Variants in CUBN observed in about 807,000 individuals in gnomAD.
CUBN encodes cubilin, also known as 460 kDa receptor.
A neutral mutation model predicts 405.3 loss-of-function variants in CUBN; 282 were observed. That is an observed-to-expected ratio of 0.70 (90% CI 0.63 to 0.77). The LOEUF (loss-of-function observed/expected upper bound fraction) is 0.77, where lower values mean the gene tolerates loss of function less well. Among genes scored for constraint, CUBN ranks in the 30% least tolerant of loss-of-function variants. The probability of loss-of-function intolerance (pLI) is 0.00; values close to 1 mark genes in which losing one functional copy is unlikely to be tolerated. For synonymous variants in CUBN, 1,684 were observed against 1,617.0 expected, an observed-to-expected ratio of 1.04 and a Z score of -0.99; for missense variants, 4,514 against 4,475.2, an observed-to-expected ratio of 1.01 and a Z score of -0.25.
intron 59 of CUBN, among the ~76,000 whole-genome samples, chr10:16,859,346 T>C (rs1839949671): frequency 6.6e-6 from 1 of 152,120 alleles, no homozygotes; most frequent in South Asian, 2.1e-4. Context: ...AGAGAATAGA[T>C]ATATAGATGA....
chr10:16,953,877 G>A (rs72773232), intron 32 of CUBN, among the ~76,000 whole-genome samples: 7,302 of 143,352 alleles, frequency 0.051, 242 homozygotes, highest in East Asian at 0.16. Flanking sequence ...GGGAAAGAGA[G>A]ATGAGGAAAA....
chr10:17,089,644 G>C (rs1836207375), intron 14 of CUBN, among the ~76,000 whole-genome samples: 1 of 152,180 alleles, frequency 6.6e-6, no homozygotes, highest in Non-Finnish European at 1.5e-5. Flanking sequence ...CACATTGCTA[G>C]AGAATGCAAG....
chr10:17,044,868 G>T, intron 25 of CUBN, 139 bp downstream of exon 25: 1 of 898,300 alleles, frequency 1.1e-6, no homozygotes, highest in Non-Finnish European at 1.8e-6. Flanking sequence ...TTTCTTTTAT[G>T]TTTTTATTTT....
At chr10:16,826,146 A>C (rs1296003225) in intron 66 of CUBN, among the ~76,000 whole-genome samples, 1 of 152,136 alleles carries the variant, frequency 6.6e-6, no homozygotes, top group East Asian at 1.9e-4. Flanking sequence ...GGGATATAGG[A>C]TTTCCCTGTG....
chr10:16,881,982 T>C (rs1464783531), intron 56 of CUBN, among the ~76,000 whole-genome samples: 1 of 152,176 alleles, frequency 6.6e-6, no homozygotes, highest in Non-Finnish European at 1.5e-5. Flanking sequence ...AATAATTATA[T>C]TAAACACTTT....
intron 10 of CUBN, among the ~76,000 whole-genome samples, chr10:17,109,436 C>A (rs1041926081): frequency 6.6e-6 from 1 of 152,048 alleles, no homozygotes; most frequent in Non-Finnish European, 1.5e-5. Flanking sequence ...TACCTTATTT[C>A]CTAAATCAGA....
intron 22 of CUBN, among the ~76,000 whole-genome samples, chr10:17,061,646 T>A (rs1835506496): frequency 6.6e-6 from 1 of 152,164 alleles, no homozygotes; most frequent in Non-Finnish European, 1.5e-5. Flanking sequence ...GTGGGAACCC[T>A]GCCCTGGGAA....
At chr10:16,978,095 A>T (rs1290959648) in intron 31 of CUBN, among the ~76,000 whole-genome samples, 1 of 152,192 alleles carries the variant, frequency 6.6e-6, no homozygotes, top group Non-Finnish European at 1.5e-5. Flanking sequence ...CACTCAGGTA[A>T]CTCAAATATT....
intron 14 of CUBN, among the ~76,000 whole-genome samples, chr10:17,089,821 A>G (rs1836212893): frequency 6.6e-6 from 1 of 152,184 alleles, no homozygotes; most frequent in South Asian, 2.1e-4. Flanking sequence ...TAACATTTGG[A>G]ATTCCAAAAG....
chr10:16,918,476 C>G (rs1841948118), intron 45 of CUBN, 146 bp downstream of exon 45: 1 of 606,270 alleles, frequency 1.6e-6, no homozygotes, highest in Non-Finnish European at 2.9e-6. Context: ...GGGAGAAGAG[C>G]AGAAAAAATA....
chr10:16,963,120 T>C (rs1843280011), intron 31 of CUBN, among the ~76,000 whole-genome samples: 1 of 151,968 alleles, frequency 6.6e-6, no homozygotes, highest in South Asian at 2.1e-4. Flanking sequence ...ATTACAAGTA[T>C]GAAGGTAAGT....
rs148661466 is a variant in CUBN, at chr10:16,858,723, G to A, written c.9455-7280C>T. On this transcript the variant is annotated intron_variant, in intron 59 of 66. Transcript: ENST00000377833. ...ATGAATCACTCCACCTGATATTAAG[G>A]CTTACCATGTAGCTATAGTAATCAA... 3.1e-3 allele frequency among the ~76,000 whole-genome samples: 477 copies of A among 152,310 alleles called. 1 individual carries two copies. Among genetic ancestry groups the A allele is most frequent in the Non-Finnish European group, 5.5e-3 (377 of 68,038 alleles).
intron 58 of CUBN, among the ~76,000 whole-genome samples, chr10:16,873,751 A>G (rs1298793838): frequency 2.0e-5 from 3 of 151,850 alleles, no homozygotes; most frequent in Non-Finnish European, 4.4e-5. Flanking sequence ...AAGAAAAAAG[A>G]AAATGTATAC....
rs80190223 is a variant in CUBN, at chr10:17,122,668, A to G, written c.593+127T>C. The G allele has an allele frequency of 1.6e-5, 11 of 698,696 alleles. No homozygotes were observed. In the South Asian group the frequency reaches 1.8e-4, roughly 11 times the overall value. The allele number at this position is 698,696 out of a possible 1,614,324, so 43.3% of individuals were successfully genotyped here. ...TATGTAGACGTTAAGCAAGAGCTAA[A>G]TATTTCCTCATGGAGTACCAACTTT... On this transcript the variant is annotated intron_variant, in intron 6 of 66. Transcript: ENST00000377833.
chr10:16,838,063 T>C (rs1325810528), intron 62 of CUBN, among the ~76,000 whole-genome samples: 1 of 152,128 alleles, frequency 6.6e-6, no homozygotes, highest in African/African-American at 2.4e-5. Context: ...GTAATAGAGA[T>C]TTTGTCCTGA....
intron 17 of CUBN, among the ~76,000 whole-genome samples, chr10:17,072,588 A>G (rs1010989110): frequency 2.6e-5 from 4 of 152,162 alleles, no homozygotes; most frequent in Non-Finnish European, 4.4e-5. Context: ...AATCCTTAAA[A>G]TGAGGAAGAA....
intron 36 of CUBN, among the ~76,000 whole-genome samples, chr10:16,941,724 C>T (rs1481258512): frequency 6.6e-6 from 1 of 152,092 alleles, no homozygotes; most frequent in Non-Finnish European, 1.5e-5. Flanking sequence ...TGCCTATAAT[C>T]CCAGCTACTT....
chr10:16,976,741 T>C (rs929646044), intron 31 of CUBN, among the ~76,000 whole-genome samples: 1 of 152,196 alleles, frequency 6.6e-6, no homozygotes, highest in Admixed American at 6.5e-5. Flanking sequence ...ATATTTTTCA[T>C]CCTTTTTTTA....
intron 63 of CUBN, 48 bp from the exon 64 acceptor site, chr10:16,835,243 T>C (rs762846233): frequency 2.4e-5 from 35 of 1,444,006 alleles, no homozygotes; most frequent in Non-Finnish European, 3.0e-5. Context: ...CAATATTTAG[T>C]GCTCTTTCAA....
Sources: allele counts gnomAD v4.1 joint callset (sites outside exome capture counted in the v4.1 genomes callset), GRCh38; gene constraint gnomAD v4.1.1; transcripts MANE v1.5; gene names NCBI Gene and HGNC (gene_info 2026-07-23, HGNC 2026-07-21).